CSMD1: variants seen among roughly 807,000 people sequenced by gnomAD.
CSMD1 encodes CUB and sushi domain-containing protein 1.
A neutral mutation model predicts 417.5 loss-of-function variants in CSMD1; 213 were observed. That is an observed-to-expected ratio of 0.51 (90% confidence interval 0.46 to 0.57). CSMD1 has a LOEUF of 0.57. CSMD1 is among the 20% of genes least tolerant of loss of function. CSMD1 has a pLI of 0.00. For missense variants in CSMD1, 6,923 were observed against 4,529.7 expected, an observed-to-expected ratio of 1.53 and a Z score of -15.17; for synonymous variants, 2,862 against 1,736.8, an observed-to-expected ratio of 1.65 and a Z score of -16.11.
At chr8:4,114,852 G>A (rs76268100) in intron 3 of CSMD1, among the ~76,000 whole-genome samples, 1 of 152,140 alleles carries the variant, frequency 6.6e-6, no homozygotes, top group Non-Finnish European at 1.5e-5. Context: ...TGACTGAATT[G>A]CTGCAATCTC....
chr8:3,408,747 A>G (rs577094849), intron 13 of CSMD1, among the ~76,000 whole-genome samples: 59 of 152,206 alleles, frequency 3.9e-4, no homozygotes, highest in Middle Eastern at 3.4e-3. Flanking sequence ...TGGATAATAT[A>G]AAGTATTTTG....
chr8:4,185,955 C>T (rs1394215431), intron 3 of CSMD1, among the ~76,000 whole-genome samples: 2 of 152,084 alleles, frequency 1.3e-5, no homozygotes, highest in African/African-American at 4.8e-5. Context: ...TTAAGGTCTA[C>T]GGTGGAATAC....
intron 5 of CSMD1, among the ~76,000 whole-genome samples, chr8:3,942,904 CTTTT>C (rs745399545): frequency 2.0e-5 from 3 of 151,890 alleles, no homozygotes; most frequent in Admixed American, 1.3e-4. Context: ...CATTGTGATA[CTTTT>C]TTTTGTCTTT....
chr8:3,756,616 G>C (rs145314388), intron 5 of CSMD1, among the ~76,000 whole-genome samples: 10 of 152,272 alleles, frequency 6.6e-5, no homozygotes, highest in Non-Finnish European at 1.5e-4. Flanking sequence ...TCCCCTGTAA[G>C]TTTCCATTTC....
chr8:4,354,765 T>A (rs1355778763), intron 3 of CSMD1, among the ~76,000 whole-genome samples: 1 of 151,978 alleles, frequency 6.6e-6, no homozygotes, highest in African/African-American at 2.4e-5. Flanking sequence ...TTTTATAGAT[T>A]TCCCCCCTCC....
chr8:3,877,584 C>T (rs951891204), intron 5 of CSMD1, among the ~76,000 whole-genome samples: 6 of 152,186 alleles, frequency 3.9e-5, no homozygotes, highest in African/African-American at 7.2e-5. Context: ...CAGGGTTACA[C>T]TGTTAGATCT....
At chr8:4,173,503 G>A (rs752486654) in intron 3 of CSMD1, among the ~76,000 whole-genome samples, 27 of 151,990 alleles carry the variant, frequency 1.8e-4, no homozygotes, top group Admixed American at 1.2e-3. Context: ...AAGTGCTCTC[G>A]GTAGATGGGG....
intron 3 of CSMD1, among the ~76,000 whole-genome samples, chr8:4,262,049 A>G (rs536948954): frequency 4.5e-4 from 69 of 152,288 alleles, no homozygotes; most frequent in Middle Eastern, 6.8e-3. Flanking sequence ...ATTGTCCCAT[A>G]TTTTAGATTT....
At chr8:3,499,616 G>A (rs187860117) in intron 10 of CSMD1, among the ~76,000 whole-genome samples, 307 of 152,096 alleles carry the variant, frequency 2.0e-3, no homozygotes, top group Non-Finnish European at 3.2e-3. Context: ...CAGCTCTCAG[G>A]GTCTTGGGAG....
intron 12 of CSMD1, among the ~76,000 whole-genome samples, chr8:3,414,630 G>A (rs1484999559): frequency 1.3e-5 from 2 of 152,090 alleles, no homozygotes; most frequent in Non-Finnish European, 2.9e-5. Flanking sequence ...GACCAACTTT[G>A]TTCTTAGTCC....
At chr8:3,012,383 G>C (rs1396439274) in intron 52 of CSMD1, among the ~76,000 whole-genome samples, 1 of 152,032 alleles carries the variant, frequency 6.6e-6, no homozygotes, top group Non-Finnish European at 1.5e-5. Context: ...CCTGTGTTTG[G>C]CCACTCCAGC....
chr8:4,967,434 C>G lies in CSMD1; in HGVS notation c.85+26898G>C, dbSNP rs114828694. 5.4e-3 allele frequency among the ~76,000 whole-genome samples: 827 copies of G among 152,256 alleles called. 7 individuals carry two copies. Among genetic ancestry groups the G allele is most frequent in the African/African-American group, 0.019 (795 of 41,562 alleles). Reference sequence around the variant, plus strand: ...TAAATAACTACATTAGTAAGCACTACTAAGGTAAGAGATGTTAAGTCTATT... The same window carrying G: ...TAAATAACTACATTAGTAAGCACTAGTAAGGTAAGAGATGTTAAGTCTATT... On this transcript the variant is annotated intron_variant, in intron 1 of 69. Coordinates refer to ENST00000635120, the MANE Select transcript of CSMD1 (RefSeq NM_033225.6).
At chr8:3,102,756 G>A (rs760551575) in intron 46 of CSMD1, among the ~76,000 whole-genome samples, 2 of 152,188 alleles carry the variant, frequency 1.3e-5, no homozygotes, top group African/African-American at 2.4e-5. Context: ...AGCCTGGAAC[G>A]GAGTGTTTCC....
At chr8:3,352,174 C>G (rs1360948981) in intron 21 of CSMD1, among the ~76,000 whole-genome samples, 4 of 152,134 alleles carry the variant, frequency 2.6e-5, no homozygotes, top group Non-Finnish European at 5.9e-5. Flanking sequence ...ATGCCAGGAC[C>G]TGGGCACACT....
chr8:4,303,420 CTGTTT>C (rs1798084766), intron 3 of CSMD1, among the ~76,000 whole-genome samples: 1 of 92,332 alleles, frequency 1.1e-5, no homozygotes, highest in Admixed American at 1.2e-4. Context: ...GGGCAGGAAG[CTGTTT>C]TTTTTTTTTT....
At chr8:3,484,047 T>G (rs766165849) in intron 11 of CSMD1, among the ~76,000 whole-genome samples, 2 of 152,230 alleles carry the variant, frequency 1.3e-5, no homozygotes, top group Non-Finnish European at 2.9e-5. Flanking sequence ...AATGTTTTTA[T>G]ACATTGCTGG....
At chr8:3,468,919 C>A (rs939587556) in intron 11 of CSMD1, 95 bp from the exon 12 acceptor site, 1 of 719,282 alleles carries the variant, frequency 1.4e-6, no homozygotes, top group Admixed American at 2.3e-5. Context: ...AACAGCCAAA[C>A]CCTAGATATA....
intron 3 of CSMD1, among the ~76,000 whole-genome samples, chr8:4,093,631 C>G (rs1233944169): frequency 6.6e-6 from 1 of 151,982 alleles, no homozygotes; most frequent in Non-Finnish European, 1.5e-5. Flanking sequence ...TTTAAGCCAA[C>G]TATGATTGAG....
chr8:3,514,613 C>G (rs1797211832), intron 10 of CSMD1, among the ~76,000 whole-genome samples: 1 of 152,094 alleles, frequency 6.6e-6, no homozygotes, highest in Non-Finnish European at 1.5e-5. Context: ...TAATGTGACT[C>G]ACTACTTTTT....
Sources: gnomAD v4.1 joint callset for allele counts (sites outside exome capture counted in the v4.1 genomes callset) on GRCh38, gnomAD v4.1.1 for gene constraint, MANE v1.5 for transcripts, NCBI Gene and HGNC (gene_info 2026-07-23, HGNC 2026-07-21) for gene names.